The following CDH18 variants were observed in gnomAD, a reference collection of about 807,000 sequenced individuals.
The protein encoded by CDH18 is cadherin 18.
Under a neutral mutation model 67.9 loss-of-function variants are expected in CDH18, and 31 were observed. The observed-to-expected ratio is 0.46, with a 90% CI of 0.34 to 0.62. The LOEUF (loss-of-function observed/expected upper bound fraction) is 0.62. CDH18 is among the 20% of genes least tolerant of loss of function. The probability of loss-of-function intolerance (pLI) is 0.01; values close to 1 mark genes in which losing one functional copy is unlikely to be tolerated. For synonymous variants in CDH18, 362 were observed against 347.2 expected (o/e 1.04, Z -0.48); for missense variants, 890 against 975.5 (o/e 0.91, Z 1.17).
At chr5:19,767,228 A>T (rs1773208462) in intron 3 of CDH18, among the ~76,000 whole-genome samples, 1 of 152,054 alleles carries the variant, frequency 6.6e-6, no homozygotes, top group Non-Finnish European at 1.5e-5. Context: ...CAGACAACCT[A>T]CTATTAAAAG....
At chr5:19,710,513 ATTATT>A (rs138272996) in intron 5 of CDH18, among the ~76,000 whole-genome samples, 115 of 152,258 alleles carry the variant, frequency 7.6e-4, no homozygotes, top group African/African-American at 2.5e-3. Context: ...TAAACTGAGA[ATTATT>A]TTATTTATCA....
At chr5:20,461,259 C>T (rs1751244548) in intron 1 of CDH18, among the ~76,000 whole-genome samples, 1 of 152,160 alleles carries the variant, frequency 6.6e-6, no homozygotes. Context: ...CCTAGTCTGC[C>T]TTCTGTAACT....
intron 9 of CDH18, among the ~76,000 whole-genome samples, chr5:19,526,615 T>A (rs1166117894): frequency 6.6e-6 from 1 of 152,252 alleles, no homozygotes; most frequent in East Asian, 1.9e-4. Context: ...TATCATGACT[T>A]AAATCTTTAA....
chr5:19,994,849 T>TAGAGAGAG lies in CDH18; in HGVS notation c.-517-2836_-517-2835insCTCTCTCT, dbSNP rs1186725188. ...AAGAGAATATATATATATATATATATATATATAGAGAGAGAGAGAGAGAGA... is the reference window on the plus strand; with the variant it reads ...AAGAGAATATATATATATATATATATAGAGAGAGATATATAGAGAGAGAGAGAGAGAGA... On this transcript the variant is annotated intron_variant, in intron 2 of 14. Coordinates refer to the CDH18 transcript ENST00000507958. Among the ~76,000 whole-genome samples, 220 of 32,324 alleles carry TAGAGAGAG rather than the reference T, an allele frequency of 6.8e-3. 28 individuals carry two copies. The highest frequency in any genetic ancestry group is 0.012 in the African/African-American group (81 of 7,014). The allele number at this position is 32,324 out of a possible 152,430, so 21.2% of individuals were successfully genotyped here.
At chr5:19,658,055 A>G (rs978505426) in intron 5 of CDH18, among the ~76,000 whole-genome samples, 2 of 152,162 alleles carry the variant, frequency 1.3e-5, no homozygotes, top group African/African-American at 4.8e-5. Context: ...TCTTATATTC[A>G]AAATTGATGC....
At chr5:20,085,343 C>T (rs1580203479) in intron 2 of CDH18, among the ~76,000 whole-genome samples, 1 of 152,152 alleles carries the variant, frequency 6.6e-6, no homozygotes, top group Non-Finnish European at 1.5e-5. Flanking sequence ...TCAGCCTGGA[C>T]CTTATTGTTC....
At chr5:20,096,546 T>C (rs6881427) in intron 2 of CDH18, among the ~76,000 whole-genome samples, 7,684 of 152,166 alleles carry the variant, frequency 0.05, 457 homozygotes, top group East Asian at 0.28. Flanking sequence ...ATAATATGCA[T>C]GGCTTTAAAA....
intron 1 of CDH18, among the ~76,000 whole-genome samples, chr5:20,547,787 A>G (rs914529595): frequency 2.1e-4 from 32 of 152,126 alleles, no homozygotes; most frequent in African/African-American, 7.7e-4. Context: ...ACTGAAGCAG[A>G]GTCAGTAAGA....
intron 1 of CDH18, among the ~76,000 whole-genome samples, chr5:20,465,913 AGTT>A (rs1160030066): frequency 6.6e-6 from 1 of 151,646 alleles, no homozygotes; most frequent in African/African-American, 2.4e-5. Context: ...TTAAAATATC[AGTT>A]GTTATCTTAA....
At chr5:19,768,481 G>A (rs1468251205) in intron 3 of CDH18, among the ~76,000 whole-genome samples, 2 of 152,166 alleles carry the variant, frequency 1.3e-5, no homozygotes, top group South Asian at 2.1e-4. Context: ...GTTAAACTTG[G>A]GGTCTTTGCA....
At chr5:19,951,428 T>C (rs1488747760) in intron 2 of CDH18, among the ~76,000 whole-genome samples, 1 of 152,160 alleles carries the variant, frequency 6.6e-6, no homozygotes, top group Admixed American at 6.6e-5. Flanking sequence ...AACAAATATG[T>C]AGATGAGTAA....
intron 1 of CDH18, among the ~76,000 whole-genome samples, chr5:20,312,559 C>G (rs1580727659): frequency 6.6e-6 from 1 of 152,240 alleles, no homozygotes; most frequent in East Asian, 1.9e-4. Flanking sequence ...TTATAACTCC[C>G]AAACCTACTG....
At position 19,477,284 on chromosome 5, in the gene CDH18, A is replaced by G. The variant is rs140931164; in HGVS notation, c.1883-3568T>C. Among the ~76,000 whole-genome samples, 744 of 151,716 alleles carry G rather than the reference A, an allele frequency of 4.9e-3. 5 individuals carry two copies. The highest frequency in any genetic ancestry group is 0.017 in the African/African-American group (708 of 41,440). On this transcript the variant is annotated intron_variant, in intron 12 of 12. Coordinates refer to ENST00000382275, the MANE Select transcript of CDH18 (RefSeq NM_004934.5). ...AAGATAAATTCAAATCAACTCAGAA[A>G]AATGTTGTACATTGTGTTCCTGATG...
chr5:20,498,549 T>G (rs1284180034), intron 1 of CDH18, among the ~76,000 whole-genome samples: 1 of 152,142 alleles, frequency 6.6e-6, no homozygotes, highest in Non-Finnish European at 1.5e-5. Flanking sequence ...ATTAACTCCA[T>G]GATTAACCTA....
intron 1 of CDH18, among the ~76,000 whole-genome samples, chr5:20,502,121 A>C (rs946558129): frequency 6.6e-6 from 1 of 152,110 alleles, no homozygotes; most frequent in African/African-American, 2.4e-5. Flanking sequence ...ATCTAGCTTT[A>C]GATTAGATTG....
At chr5:20,096,354 T>C (rs1379351176) in intron 2 of CDH18, among the ~76,000 whole-genome samples, 1 of 152,124 alleles carries the variant, frequency 6.6e-6, no homozygotes, top group African/African-American at 2.4e-5. Context: ...GAAGCAAATA[T>C]AGATTTTCTT....
At chr5:20,098,984 G>A (rs898366141) in intron 2 of CDH18, among the ~76,000 whole-genome samples, 1 of 152,130 alleles carries the variant, frequency 6.6e-6, no homozygotes, top group Non-Finnish European at 1.5e-5. Context: ...TGCAATGCTA[G>A]AGTGAGAAAT....
intron 1 of CDH18, among the ~76,000 whole-genome samples, chr5:20,494,332 G>A (rs961620566): frequency 1.3e-5 from 2 of 152,096 alleles, no homozygotes; most frequent in African/African-American, 4.8e-5. Context: ...AGAGGGATAA[G>A]AGAAGAAGCA....
At chr5:20,171,848 G>A (rs1736741771) in intron 2 of CDH18, among the ~76,000 whole-genome samples, 1 of 151,004 alleles carries the variant, frequency 6.6e-6, no homozygotes, top group Non-Finnish European at 1.5e-5. Context: ...TCAGTTTTAG[G>A]TCTTCCATTT....
Sources: allele counts gnomAD v4.1 joint callset (sites outside exome capture counted in the v4.1 genomes callset), GRCh38; gene constraint gnomAD v4.1.1; transcripts MANE v1.5; gene names NCBI Gene and HGNC (gene_info 2026-07-23, HGNC 2026-07-21).